Variants in SLC10A6 observed in about 807,000 individuals in gnomAD.
SLC10A6 encodes sodium-dependent organic anion transporter.
Under a neutral mutation model 30.0 loss-of-function variants are expected in SLC10A6, and 27 were observed. The observed-to-expected ratio is 0.90, with a 90% CI of 0.66 to 1.24. SLC10A6 has a LOEUF of 1.24. SLC10A6 is among the 50% of genes most tolerant of loss of function. The pLI is 0.00. For synonymous variants in SLC10A6, 166 were observed against 173.8 expected (o/e 0.95, Z 0.36); for missense variants, 439 against 457.0 (o/e 0.96, Z 0.36).
Position 86,848,942 on chromosome 4 carries a change from C to G in SLC10A6, c.174G>C (p.Leu58=). Residue 58 remains leucine (L), a synonymous_variant, in exon 1 of 6, where the codon CTG becomes CTC. Transcript: ENST00000273905. ...SLGCSVEIRK[L]WSHIRRPWGI... is the part of the protein sequence containing the mutation. ...CCCAGGGTCTCCTGATGTGCGACCACAGCTTCCGGATCTCCACGGAACATC... is the reference window on the plus strand; with the variant it reads ...CCCAGGGTCTCCTGATGTGCGACCAGAGCTTCCGGATCTCCACGGAACATC... The G allele has an allele frequency of 5.0e-6, 8 of 1,614,020 alleles. No individual in the cohort carries two copies. Among genetic ancestry groups the G allele is most frequent in the Non-Finnish European group, 5.9e-6 (7 of 1,179,992 alleles).
chr4:86,825,249 C>T lies in SLC10A6; in HGVS notation c.919+171G>A, dbSNP rs546500572. Among the ~76,000 whole-genome samples the T allele has an allele frequency of 1.4e-3, 211 of 152,338 alleles. 2 individuals are homozygous for T. Among genetic ancestry groups the T allele is most frequent in the African/African-American group, 4.8e-3 (200 of 41,578 alleles). On this transcript the variant is annotated intron_variant, in intron 5 of 5. Coordinates refer to ENST00000273905, the MANE Select transcript of SLC10A6 (RefSeq NM_197965.3). Reference sequence around the variant, plus strand: ...TTTATATTTTTCTGTGAAACTCCCACTTGTGCGCCAAACTATCCTGTCTAT... The same window carrying T: ...TTTATATTTTTCTGTGAAACTCCCATTTGTGCGCCAAACTATCCTGTCTAT...
In SLC10A6 at chr4:86,842,858, CTTTCTTTCTTTCTTTCT is replaced by C. The variant is rs1560461906; in HGVS notation, c.377+5864_377+5880del. Among the ~76,000 whole-genome samples, 10 of 39,578 alleles carry C rather than the reference CTTTCTTTCTTTCTTTCT, an allele frequency of 2.5e-4. No individual in the cohort carries two copies. In the East Asian group the frequency reaches 4.0e-3, roughly 16 times the overall value. 26.0% of individuals were successfully genotyped at this position (39,578 alleles called of 152,430 possible). On this transcript the variant is annotated intron_variant, in intron 1 of 5. Coordinates refer to ENST00000273905, the MANE Select transcript of SLC10A6 (RefSeq NM_197965.3). The stretch of plus-strand genomic sequence containing the variant: ...TCTTTCTTTCTTTCTTTCTTTCTTT[CTTTCTTTCTTTCTTTCT>C]TTTTTTTTTTGAGATGGAGTCTCGC...
intron 1 of SLC10A6, among the ~76,000 whole-genome samples, chr4:86,842,802 C>CTTTCTTTCTTTCTTTCT (rs1746315948): frequency 1.4e-4 from 1 of 7,018 alleles, no homozygotes; most frequent in South Asian, 4.7e-3. Context: ...TTCTTTCTTT[C>CTTTCTTTCTTTCTTTCT]TTTCTTTCTT....
intron 1 of SLC10A6, among the ~76,000 whole-genome samples, chr4:86,834,708 T>C (rs1286318347): frequency 6.6e-6 from 1 of 152,214 alleles, no homozygotes; most frequent in African/African-American, 2.4e-5. Flanking sequence ...TATTAGGCTG[T>C]TTGCATGGCC....
At chr4:86,830,728 A>G (rs979648776) in intron 3 of SLC10A6, among the ~76,000 whole-genome samples, 1 of 152,184 alleles carries the variant, frequency 6.6e-6, no homozygotes, top group Non-Finnish European at 1.5e-5. Flanking sequence ...AAAAGCTTAA[A>G]CCAAGCCAAA....
chr4:86,823,727 C>T lies in SLC10A6; in HGVS notation c.1095G>A (p.Arg365=), dbSNP rs765113559. Residue 365 remains arginine, a synonymous_variant, in exon 6 of 6, where the codon AGG becomes AGA. Coordinates refer to ENST00000273905, the MANE Select transcript of SLC10A6 (RefSeq NM_197965.3). ...PGPPGPMDCH[R]ALEPVGHITS... is the part of the protein sequence containing the mutation. ...TGATGTGGCCAACTGGCTCGAGAGC[C>T]CTGTGGCAATCCATTGGCCCTGGTG... 3.1e-6 allele frequency: 5 copies of T among 1,613,854 alleles called. No homozygotes were observed. The South Asian group carries it at 5.5e-5, about 18-fold the overall frequency.
chr4:86,827,735 C>A (rs1746020039), intron 4 of SLC10A6, among the ~76,000 whole-genome samples: 1 of 152,146 alleles, frequency 6.6e-6, no homozygotes, highest in Non-Finnish European at 1.5e-5. Flanking sequence ...GGAATCAAAT[C>A]ATGTCGTTTT....
At chr4:86,848,605 T>C in intron 1 of SLC10A6, 134 bp downstream of exon 1, 1 of 1,202,224 alleles carries the variant, frequency 8.3e-7, no homozygotes, top group Non-Finnish European at 1.2e-6. Context: ...GCTGAACAAG[T>C]CTCTGTGATA....
At chr4:86,827,903 C>T (rs912789602) in intron 4 of SLC10A6, 90 bp downstream of exon 4, 1 of 1,253,672 alleles carries the variant, frequency 8.0e-7, no homozygotes, top group Non-Finnish European at 1.1e-6. Flanking sequence ...CAAAACTCTT[C>T]ATGTCTCCTG....
At chr4:86,827,900 C>T (rs1423730216) in intron 4 of SLC10A6, 93 bp downstream of exon 4, 1 of 1,227,262 alleles carries the variant, frequency 8.1e-7, no homozygotes. Flanking sequence ...AGTCAAAACT[C>T]TTCATGTCTC....
chr4:86,843,617 C>T (rs1202060997), intron 1 of SLC10A6, among the ~76,000 whole-genome samples: 2 of 152,042 alleles, frequency 1.3e-5, no homozygotes, highest in Non-Finnish European at 2.9e-5. Flanking sequence ...GGAAATAATT[C>T]AATTGTCCGT....
intron 5 of SLC10A6, 150 bp from the exon 6 acceptor site, chr4:86,824,052 G>T: frequency 1.5e-6 from 1 of 679,766 alleles, no homozygotes; most frequent in Non-Finnish European, 2.4e-6. Context: ...AAGAGAGAAA[G>T]CTATAGAACA....
chr4:86,825,502 A>C lies in SLC10A6; in HGVS notation c.837T>G (p.Thr279=), dbSNP rs772843765. The C allele has an allele frequency of 1.9e-6, 3 of 1,613,150 alleles. No homozygotes were observed. The highest frequency in any genetic ancestry group is 2.5e-6 in the Non-Finnish European group (3 of 1,179,170). ...MCITMLQLSF[T]AEHLVQMLSF... ...TCAACATCTGGACCAAGTGCTCAGC[A>C]GTGAAAGATAACTGGAGCATGGTGA... Residue 279 remains threonine, a synonymous_variant, in exon 5 of 6, where the codon ACT becomes ACG. Coordinates refer to ENST00000273905, the MANE Select transcript of SLC10A6 (RefSeq NM_197965.3).
chr4:86,835,312 A>C (rs1746161207), intron 1 of SLC10A6, among the ~76,000 whole-genome samples: 1 of 152,172 alleles, frequency 6.6e-6, no homozygotes, highest in African/African-American at 2.4e-5. Context: ...AACTGATGTG[A>C]GATGCTAGAC....
In SLC10A6 at chr4:86,849,265, C is replaced by G; in HGVS notation, c.-150G>C. ...GGCCAGCAAGGTGATTCATCCTAAT[C>G]TGATCAATTTTTTCACAAGTGGCAT... On this transcript the variant is annotated 5_prime_UTR_variant, in exon 1 of 6. Transcript: ENST00000273905. The G allele has an allele frequency of 4.5e-6, 4 of 890,666 alleles. No individual in the cohort carries two copies. The highest frequency in any genetic ancestry group is 6.8e-6 in the Non-Finnish European group (4 of 588,348). 55.2% of individuals were successfully genotyped at this position (890,666 alleles called of 1,614,324 possible).
In SLC10A6 at chr4:86,848,833, C is replaced by T. The variant is rs1387396786; in HGVS notation, c.283G>A (p.Val95Ile). The stretch of plus-strand genomic sequence containing the variant: ...ATGATGAGAACAGCAATAGCTTGGA[C>T]TGGCTTCAGAGAAAAGCTAATGGCC... ...LLAISFSLKP[V>I]QAIAVLIMGC... The change falls in exon 1 of 6, where the codon GTC becomes ATC. Residue 95 changes from valine (V) to isoleucine (I), a missense_variant. Val to Ile is a conservative substitution (Grantham distance 29). Coordinates refer to ENST00000273905, the MANE Select transcript of SLC10A6 (RefSeq NM_197965.3). 6.2e-7 allele frequency: 1 copy of T among 1,614,204 alleles called. No homozygotes were observed.
In SLC10A6 at chr4:86,823,484, T is replaced by A. The variant is rs1396212201; in HGVS notation, c.*204A>T. The A allele has an allele frequency of 4.0e-6, 2 of 504,142 alleles. No homozygotes were observed. Among genetic ancestry groups the A allele is most frequent in the Non-Finnish European group, 6.9e-6 (2 of 289,742 alleles). The allele number at this position is 504,142 out of a possible 1,614,324, so 31.2% of individuals were successfully genotyped here. ...AAGGCAGCTCATTGATACGTTATGT[T>A]AACCCCCAGAAGAAACTCCCTGAAA... is the stretch of plus-strand genomic sequence containing the variant. On this transcript the variant is annotated 3_prime_UTR_variant, in exon 6 of 6. Transcript: ENST00000273905.
At position 86,848,884 on chromosome 4, in the gene SLC10A6, G is replaced by A; in HGVS notation, c.232C>T (p.Leu78Phe). 6.2e-7 allele frequency: 1 copy of A among 1,614,216 alleles called. No individual in the cohort carries two copies. The highest frequency in any genetic ancestry group is 2.2e-5 in the East Asian group (1 of 44,874). The change falls in exon 1 of 6, where the codon CTC becomes TTC. Residue 78 changes from leucine (L) to phenylalanine (F), a missense_variant. Leu to Phe is a conservative substitution (Grantham distance 22, BLOSUM62 0). Transcript: ENST00000273905. ...IAVGLLCQFG[L>F]MPFTAYLLAI... Reference sequence around the variant, plus strand: ...AGGAGATAAGCTGTAAAAGGCATGAGCCCAAACTGGCAGAGCAGTCCCACA... The same window carrying A: ...AGGAGATAAGCTGTAAAAGGCATGAACCCAAACTGGCAGAGCAGTCCCACA...
chr4:86,845,752 T>G (rs1746381914), intron 1 of SLC10A6, among the ~76,000 whole-genome samples: 2 of 152,184 alleles, frequency 1.3e-5, no homozygotes, highest in Admixed American at 1.3e-4. Flanking sequence ...GAGGAAGGGC[T>G]ACAGGGCTTG....
Sources: allele counts gnomAD v4.1 joint callset (sites outside exome capture counted in the v4.1 genomes callset), GRCh38; gene constraint gnomAD v4.1.1; transcripts MANE v1.5; gene names NCBI Gene and HGNC (gene_info 2026-07-23, HGNC 2026-07-21).